LRP1B: variants seen among roughly 807,000 people sequenced by gnomAD.
LRP1B encodes the protein low-density lipoprotein receptor-related protein 1B.
Under a neutral mutation model 556.6 loss-of-function variants are expected in LRP1B, and 217 were observed. That is an observed-to-expected ratio of 0.39 (90% CI 0.35 to 0.44). The LOEUF (loss-of-function observed/expected upper bound fraction) is 0.44, where lower values mean the gene tolerates loss of function less well. Ranked by LOEUF, LRP1B falls within the 20% of genes least tolerant of loss-of-function variation. The pLI is 1.00. For missense variants in LRP1B, 5,053 were observed against 5,620.8 expected, an observed-to-expected ratio of 0.90 and a Z score of 3.23; for synonymous variants, 2,047 against 1,865.8, an observed-to-expected ratio of 1.10 and a Z score of -2.50.
chr2:140,292,500 G>A (rs1532002), intron 84 of LRP1B, among the ~76,000 whole-genome samples: 3,293 of 152,150 alleles, frequency 0.022, 117 homozygotes, highest in African/African-American at 0.074. Flanking sequence ...GTTCCTTTGT[G>A]TATGCTGTTC....
intron 2 of LRP1B, among the ~76,000 whole-genome samples, chr2:141,751,694 T>C (rs1163171488): frequency 6.6e-6 from 1 of 151,858 alleles, no homozygotes; most frequent in Admixed American, 6.6e-5. Context: ...AAGAGGAAAA[T>C]ACATAAACAA....
At chr2:140,886,522 A>G (rs1693640533) in intron 23 of LRP1B, among the ~76,000 whole-genome samples, 187 bp from the exon 24 acceptor site, 1 of 152,154 alleles carries the variant, frequency 6.6e-6, no homozygotes, top group African/African-American at 2.4e-5. Flanking sequence ...ATTCACTAGA[A>G]TAGGTATTAG....
At chr2:141,068,769 G>A (rs896044370) in intron 7 of LRP1B, among the ~76,000 whole-genome samples, 16 of 151,828 alleles carry the variant, frequency 1.1e-4, no homozygotes, top group African/African-American at 3.4e-4. Flanking sequence ...AAACCTTACC[G>A]AGGACTTCCT....
intron 11 of LRP1B, among the ~76,000 whole-genome samples, chr2:141,044,640 C>T (rs1432210124): frequency 6.6e-6 from 1 of 151,968 alleles, no homozygotes; most frequent in Non-Finnish European, 1.5e-5. Flanking sequence ...CAAAAGAAGA[C>T]ATTTATGCAC....
chr2:141,429,674 T>C (rs1017170002), intron 3 of LRP1B, among the ~76,000 whole-genome samples: 1 of 152,104 alleles, frequency 6.6e-6, no homozygotes, highest in Admixed American at 6.5e-5. Flanking sequence ...CCAGTGTGTG[T>C]TGTTCCTCCC....
chr2:140,624,315 C>A (rs1683573119), intron 41 of LRP1B, among the ~76,000 whole-genome samples: 1 of 152,218 alleles, frequency 6.6e-6, no homozygotes, highest in East Asian at 1.9e-4. Flanking sequence ...TGCATCCTAT[C>A]CCTCTGTATT....
At chr2:141,377,993 C>T (rs1456390380) in intron 3 of LRP1B, among the ~76,000 whole-genome samples, 2 of 152,128 alleles carry the variant, frequency 1.3e-5, no homozygotes, top group Non-Finnish European at 2.9e-5. Flanking sequence ...TTTTCTTTCT[C>T]CTCCTTTGTT....
At chr2:141,388,689 C>T (rs1433267995) in intron 3 of LRP1B, among the ~76,000 whole-genome samples, 1 of 151,812 alleles carries the variant, frequency 6.6e-6, no homozygotes, top group African/African-American at 2.4e-5. Context: ...AAATAAAAGC[C>T]CTCAAGTTTG....
intron 7 of LRP1B, among the ~76,000 whole-genome samples, chr2:141,131,184 T>A (rs556384281): frequency 0.034 from 5,174 of 152,052 alleles, 31 homozygotes; most frequent in East Asian, 0.15. Flanking sequence ...CTTACAGTGG[T>A]GTAACCTATT....
At chr2:140,779,698 A>AC (rs1689624858) in intron 32 of LRP1B, among the ~76,000 whole-genome samples, 1 of 148,438 alleles carries the variant, frequency 6.7e-6, no homozygotes, top group Admixed American at 6.7e-5. Context: ...CTGTCTCAAA[A>AC]AAAAAAAAAA....
intron 10 of LRP1B, among the ~76,000 whole-genome samples, chr2:141,054,245 G>T (rs1699118458): frequency 6.6e-6 from 1 of 151,826 alleles, no homozygotes; most frequent in East Asian, 2.0e-4. Context: ...CAGAGAGAAA[G>T]GACTGACAGA....
At chr2:140,855,717 C>T (rs1366675902) in intron 27 of LRP1B, among the ~76,000 whole-genome samples, 1 of 151,944 alleles carries the variant, frequency 6.6e-6, no homozygotes, top group Non-Finnish European at 1.5e-5. Context: ...AATCCCAGGG[C>T]TTTGGGAGGC....
intron 2 of LRP1B, among the ~76,000 whole-genome samples, chr2:141,634,928 G>T (rs1689053456): frequency 6.6e-6 from 1 of 151,796 alleles, no homozygotes; most frequent in Admixed American, 6.6e-5. Context: ...TGGTTATTAT[G>T]ATTGTAAAAT....
At chr2:141,811,004 T>C (rs1255333227) in intron 1 of LRP1B, among the ~76,000 whole-genome samples, 1 of 151,632 alleles carries the variant, frequency 6.6e-6, no homozygotes, top group Non-Finnish European at 1.5e-5. Context: ...TCCATAAAGG[T>C]TTTTTTTCTA....
chr2:141,623,191 T>G (rs952967590), intron 2 of LRP1B, among the ~76,000 whole-genome samples: 8 of 152,220 alleles, frequency 5.3e-5, no homozygotes, highest in African/African-American at 1.9e-4. Context: ...AAAAATCACT[T>G]TTAAAGAAAA....
chr2:141,867,587 A>C (rs1698452597), intron 1 of LRP1B, among the ~76,000 whole-genome samples: 1 of 152,164 alleles, frequency 6.6e-6, no homozygotes, highest in African/African-American at 2.4e-5. Context: ...ATTCAGTATT[A>C]AAGTGTTGGC....
intron 35 of LRP1B, among the ~76,000 whole-genome samples, chr2:140,748,092 AATATAT>A (rs757456196): frequency 0.029 from 202 of 6,890 alleles, no homozygotes; most frequent in South Asian, 0.16. Context: ...AAGTCCTATG[AATATAT>A]ATATATATAT....
intron 37 of LRP1B, among the ~76,000 whole-genome samples, chr2:140,706,046 G>C (rs1686825536): frequency 1.3e-5 from 2 of 152,156 alleles, no homozygotes; most frequent in Admixed American, 1.3e-4. Flanking sequence ...TAAAACTGCA[G>C]AAAGAGACTT....
intron 1 of LRP1B, among the ~76,000 whole-genome samples, chr2:142,045,385 C>G (rs1449121276): frequency 6.6e-6 from 1 of 151,842 alleles, no homozygotes; most frequent in Non-Finnish European, 1.5e-5. Flanking sequence ...GGAACGTTCT[C>G]ATACCGATTG....
Sources: allele counts gnomAD v4.1 joint callset (sites outside exome capture counted in the v4.1 genomes callset), GRCh38; gene constraint gnomAD v4.1.1; transcripts MANE v1.5; gene names NCBI Gene and HGNC (gene_info 2026-07-23, HGNC 2026-07-21).